Variants in DAB1 observed in about 807,000 individuals in gnomAD.
DAB1 encodes the protein disabled homolog 1.
A neutral mutation model predicts 64.6 loss-of-function variants in DAB1; 15 were observed. The observed-to-expected ratio is 0.23, with a 90% CI of 0.16 to 0.36. The LOEUF (loss-of-function observed/expected upper bound fraction) is 0.36, where lower values mean the gene tolerates loss of function less well. DAB1 is among the 10% of genes least tolerant of loss of function. DAB1 has a pLI of 1.00. For synonymous variants in DAB1, 235 were observed against 251.9 expected, an observed-to-expected ratio of 0.93 and a Z score of 0.64; for missense variants, 596 against 706.7, an observed-to-expected ratio of 0.84 and a Z score of 1.78.
At chr1:57,647,630 A>G (rs1343961229) in intron 7 of DAB1, among the ~76,000 whole-genome samples, 1 of 152,220 alleles carries the variant, frequency 6.6e-6, no homozygotes, top group Admixed American at 6.5e-5. Context: ...AGTTTCCTCA[A>G]TGTTTAAGGA....
chr1:57,866,964 T>A (rs74401872), intron 1 of DAB1: 1 of 152,272 alleles, frequency 6.6e-6, no homozygotes, highest in African/African-American at 2.4e-5. Context: ...ACTACCTTTT[T>A]CCTCTTGGGC....
At chr1:57,025,277 T>C (rs1646748014) in intron 10 of DAB1, among the ~76,000 whole-genome samples, 1 of 152,186 alleles carries the variant, frequency 6.6e-6, no homozygotes, top group South Asian at 2.1e-4. Flanking sequence ...TTGGTGTTAA[T>C]TCTGTTTTCT....
chr1:58,111,592 G>A (rs368661523), intron 5 of DAB1, among the ~76,000 whole-genome samples: 3 of 152,140 alleles, frequency 2.0e-5, no homozygotes, highest in East Asian at 3.9e-4. Context: ...TTTGGGAAAC[G>A]TTGGATCAGA....
At chr1:57,713,388 T>C (rs1647048848) in intron 6 of DAB1, among the ~76,000 whole-genome samples, 2 of 152,182 alleles carry the variant, frequency 1.3e-5, no homozygotes, top group South Asian at 2.1e-4. Context: ...AGCTGAAATA[T>C]ATGAGCAAGT....
intron 1 of DAB1, among the ~76,000 whole-genome samples, chr1:57,348,627 A>C (rs1173233496): frequency 6.6e-6 from 1 of 152,132 alleles, no homozygotes; most frequent in Non-Finnish European, 1.5e-5. Flanking sequence ...TGCCAGAGTC[A>C]GGAATGAAAA....
At chr1:57,699,473 A>G (rs1646882648) in intron 6 of DAB1, among the ~76,000 whole-genome samples, 1 of 152,230 alleles carries the variant, frequency 6.6e-6, no homozygotes, top group African/African-American at 2.4e-5. Context: ...CATTTTGTAA[A>G]TATCCTTGAT....
intron 5 of DAB1, among the ~76,000 whole-genome samples, chr1:58,062,471 C>G (rs1178187704): frequency 1.3e-5 from 2 of 152,240 alleles, no homozygotes; most frequent in Non-Finnish European, 2.9e-5. Flanking sequence ...GCCCTGGCCA[C>G]CTGCCTCTGC....
intron 2 of DAB1, among the ~76,000 whole-genome samples, chr1:57,167,570 C>T (rs1661321303): frequency 6.6e-6 from 1 of 152,198 alleles, no homozygotes; most frequent in Non-Finnish European, 1.5e-5. Context: ...TTACCTCCAG[C>T]TCCTTTCCTG....
At chr1:57,036,955 T>TA (rs1050747583) in intron 9 of DAB1, among the ~76,000 whole-genome samples, 48 of 152,074 alleles carry the variant, frequency 3.2e-4, no homozygotes, top group African/African-American at 8.9e-4. Flanking sequence ...GGACTTGGGA[T>TA]AAAAAAAATC....
intron 4 of DAB1, among the ~76,000 whole-genome samples, chr1:57,087,927 C>A (rs1653252323): frequency 6.6e-6 from 1 of 152,162 alleles, no homozygotes; most frequent in Non-Finnish European, 1.5e-5. Flanking sequence ...TCATAATAGA[C>A]CAGCAATGGA....
chr1:57,399,294 A>C (rs1392162699), intron 1 of DAB1, among the ~76,000 whole-genome samples: 1 of 152,176 alleles, frequency 6.6e-6, no homozygotes, highest in Non-Finnish European at 1.5e-5. Flanking sequence ...TGTGCACAGC[A>C]CCAAGCATAT....
intron 5 of DAB1, among the ~76,000 whole-genome samples, chr1:58,013,420 G>A (rs1017370175): frequency 7.9e-5 from 12 of 152,154 alleles, no homozygotes; most frequent in African/African-American, 2.9e-4. Context: ...AGGACATCAG[G>A]CACTTCAGAG....
intron 3 of DAB1, among the ~76,000 whole-genome samples, chr1:58,407,365 C>G (rs541020758): frequency 6.6e-6 from 1 of 152,298 alleles, no homozygotes; most frequent in Admixed American, 6.5e-5. Flanking sequence ...TTGTTTATAG[C>G]CCTATCCTGG....
intron 5 of DAB1, among the ~76,000 whole-genome samples, chr1:58,000,862 C>T (rs1210519886): frequency 2.0e-5 from 3 of 151,942 alleles, no homozygotes; most frequent in Non-Finnish European, 4.4e-5. Context: ...CGAGCCACCA[C>T]ACCCAGCCTT....
chr1:57,373,656 T>G (rs1680673132), intron 1 of DAB1, among the ~76,000 whole-genome samples: 1 of 152,164 alleles, frequency 6.6e-6, no homozygotes, highest in Non-Finnish European at 1.5e-5. Context: ...TGTTCCTGTA[T>G]CTGAAAATTA....
intron 1 of DAB1, among the ~76,000 whole-genome samples, chr1:57,875,909 C>T (rs1294135638): frequency 6.6e-6 from 1 of 152,140 alleles, no homozygotes; most frequent in Non-Finnish European, 1.5e-5. Context: ...AAGGACATTT[C>T]TGAAACATAT....
At chr1:57,562,865 AGAAAG>A (rs1393657573) in intron 7 of DAB1, among the ~76,000 whole-genome samples, 1 of 152,222 alleles carries the variant, frequency 6.6e-6, no homozygotes, top group African/African-American at 2.4e-5. Context: ...TAACAGGCTA[AGAAAG>A]GAGTTACAGT....
intron 6 of DAB1, 54 bp from the exon 7 acceptor site, chr1:57,071,115 A>C: frequency 6.7e-7 from 1 of 1,490,196 alleles, no homozygotes; most frequent in Non-Finnish European, 9.3e-7. Context: ...AAAGGAAGAG[A>C]TGTGAGACTG....
chr1:58,401,460 C>G (rs564007283), intron 3 of DAB1, among the ~76,000 whole-genome samples: 1 of 151,594 alleles, frequency 6.6e-6, no homozygotes, highest in Admixed American at 6.5e-5. Context: ...TCTTTGCTCA[C>G]AAAACTGTAA....
Sources: gnomAD v4.1 joint callset for allele counts (sites outside exome capture counted in the v4.1 genomes callset) on GRCh38, gnomAD v4.1.1 for gene constraint, MANE v1.5 for transcripts, NCBI Gene and HGNC (gene_info 2026-07-23, HGNC 2026-07-21) for gene names.